DPYD: variants seen among roughly 807,000 people sequenced by gnomAD.
DPYD encodes the protein dihydropyrimidine dehydrogenase.
DPYD carries 109 observed loss-of-function variants against 116.2 expected under a neutral mutation model. That is an observed-to-expected ratio of 0.94 (90% CI 0.80 to 1.10). The LOEUF is 1.10. DPYD is among the 50% of genes least tolerant of loss of function. DPYD has a pLI of 0.00. For missense variants in DPYD, 1,302 were observed against 1,254.5 expected, an observed-to-expected ratio of 1.04 and a Z score of -0.57; for synonymous variants, 440 against 432.0, an observed-to-expected ratio of 1.02 and a Z score of -0.23.
intron 3 of DPYD, among the ~76,000 whole-genome samples, chr1:97,818,934 T>C (rs1668777319): frequency 6.6e-6 from 1 of 151,964 alleles, no homozygotes; most frequent in Admixed American, 6.6e-5. Context: ...GTACACGAAA[T>C]TAATCACATA....
chr1:97,640,063 AATCT>A (rs1380254085), intron 8 of DPYD, among the ~76,000 whole-genome samples: 8 of 152,282 alleles, frequency 5.3e-5, no homozygotes, highest in African/African-American at 9.6e-5. Context: ...GACATCAGAA[AATCT>A]ATCTGTCTAG....
chr1:97,229,587 T>TATATATATATAA lies in DPYD; in HGVS notation c.2442+5264_2442+5265insTTATATATATAT, dbSNP rs1434809487. ...ATATATATATATATATATATATATA[T>TATATATATATAA]ATACTGATTTTAATTCATACTTTAG... is the stretch of plus-strand genomic sequence containing the variant. On this transcript the variant is annotated intron_variant, in intron 19 of 22. Coordinates refer to ENST00000370192, the MANE Select transcript of DPYD (RefSeq NM_000110.4). 4.2e-4 allele frequency among the ~76,000 whole-genome samples: 27 copies of TATATATATATAA among 64,672 alleles called. 2 individuals carry two copies. Among genetic ancestry groups the TATATATATATAA allele is most frequent in the African/African-American group, 1.5e-3 (26 of 17,268 alleles). The allele number at this position is 64,672 out of a possible 152,430, so 42.4% of individuals were successfully genotyped here. A position where few individuals can be genotyped will look rare whatever the true frequency, so the allele number is the denominator to read the frequency against.
intron 18 of DPYD, among the ~76,000 whole-genome samples, chr1:97,302,045 A>C (rs1238853309): frequency 6.6e-6 from 1 of 152,002 alleles, no homozygotes; most frequent in Non-Finnish European, 1.5e-5. Flanking sequence ...AATAAGTCAA[A>C]GAATTTCTTC....
chr1:97,409,297 G>C (rs1673847789), intron 14 of DPYD, among the ~76,000 whole-genome samples: 1 of 152,086 alleles, frequency 6.6e-6, no homozygotes, highest in Non-Finnish European at 1.5e-5. Context: ...AACTATGATT[G>C]AAAGTTTAAT....
intron 8 of DPYD, among the ~76,000 whole-genome samples, chr1:97,601,799 C>T (rs139906750): frequency 0.025 from 3,785 of 151,926 alleles, 56 homozygotes; most frequent in Non-Finnish European, 0.039. Context: ...GCTGTAAATG[C>T]GTTTAGTACT....
At chr1:97,101,688 A>C (rs1557863302) in intron 20 of DPYD, among the ~76,000 whole-genome samples, 1 of 152,080 alleles carries the variant, frequency 6.6e-6, no homozygotes. Context: ...TGCCAGCAGC[A>C]GGAGCTTTTC....
intron 11 of DPYD, among the ~76,000 whole-genome samples, chr1:97,567,831 G>A (rs915330716): frequency 2.6e-5 from 4 of 151,492 alleles, no homozygotes; most frequent in Admixed American, 1.3e-4. Flanking sequence ...AAAAATATGT[G>A]CTTTTTACAT....
chr1:97,213,446 A>C (rs1049316968), intron 19 of DPYD, among the ~76,000 whole-genome samples: 2 of 152,152 alleles, frequency 1.3e-5, no homozygotes, highest in African/African-American at 4.8e-5. Context: ...TGTTCTCTTA[A>C]TGATCGCTTC....
chr1:97,605,870 T>C (rs2065943), intron 8 of DPYD, among the ~76,000 whole-genome samples: 117,120 of 151,862 alleles, frequency 0.77, 46,576 homozygotes, highest in East Asian at 0.96. Flanking sequence ...CCTTTCTTGA[T>C]ATTTTTTCTT....
intron 18 of DPYD, among the ~76,000 whole-genome samples, chr1:97,290,626 T>G (rs1213133497): frequency 6.6e-6 from 1 of 152,174 alleles, no homozygotes; most frequent in Non-Finnish European, 1.5e-5. Context: ...GAAAACTGGC[T>G]AGCCATATGT....
chr1:97,650,452 C>A (rs962570231), intron 8 of DPYD, among the ~76,000 whole-genome samples: 1 of 152,130 alleles, frequency 6.6e-6, no homozygotes, highest in African/African-American at 2.4e-5. Flanking sequence ...GATACCTAAA[C>A]CTTGCTCCAA....
At chr1:97,270,094 T>C (rs78907290) in intron 18 of DPYD, among the ~76,000 whole-genome samples, 7,284 of 152,244 alleles carry the variant, frequency 0.048, 344 homozygotes, top group East Asian at 0.12. Flanking sequence ...GTATGTTTCC[T>C]TCATGCCATT....
intron 13 of DPYD, among the ~76,000 whole-genome samples, chr1:97,477,097 G>C (rs1256042960): frequency 6.6e-6 from 1 of 152,136 alleles, no homozygotes; most frequent in Non-Finnish European, 1.5e-5. Context: ...CTGTAAACAA[G>C]ACAACAATGA....
intron 2 of DPYD, among the ~76,000 whole-genome samples, chr1:97,864,333 T>C (rs1293554447): frequency 6.6e-6 from 1 of 151,864 alleles, no homozygotes; most frequent in Non-Finnish European, 1.5e-5. Context: ...GAAAGATTCA[T>C]TTTCCAGAAG....
At chr1:97,819,993 T>A (rs1384965857) in intron 3 of DPYD, among the ~76,000 whole-genome samples, 1 of 152,032 alleles carries the variant, frequency 6.6e-6, no homozygotes, top group Non-Finnish European at 1.5e-5. Flanking sequence ...TAAAGTAGAA[T>A]AATGGCCATA....
Position 97,519,111 on chromosome 1 carries a change from T to C in DPYD, c.1525-3170A>G, listed in dbSNP as rs541031041. On this transcript the variant is annotated intron_variant, in intron 12 of 22. Coordinates refer to ENST00000370192, the MANE Select transcript of DPYD (RefSeq NM_000110.4). ...AAGTTAATTGAGATAGATTTGAAGG[T>C]AAACTAAAACAATTTTTAAAAGCCA... Among the ~76,000 whole-genome samples, 6 of 152,306 alleles carry C rather than the reference T, an allele frequency of 3.9e-5. No individual in the cohort carries two copies. The South Asian group carries it at 1.2e-3, about 32-fold the overall frequency.
At chr1:97,405,597 C>T (rs554493278) in intron 14 of DPYD, among the ~76,000 whole-genome samples, 16 of 152,148 alleles carry the variant, frequency 1.1e-4, no homozygotes, top group African/African-American at 3.9e-4. Context: ...CTCATGGCAA[C>T]CTCTGCCTCC....
At chr1:97,452,968 T>A (rs950727259) in intron 13 of DPYD, among the ~76,000 whole-genome samples, 1 of 152,134 alleles carries the variant, frequency 6.6e-6, no homozygotes. Context: ...TTACTATGCT[T>A]AGATCTTTTC....
intron 8 of DPYD, among the ~76,000 whole-genome samples, chr1:97,678,884 T>C (rs1447844304): frequency 3.3e-5 from 5 of 152,246 alleles, no homozygotes; most frequent in African/African-American, 4.8e-5. Context: ...AAGATAAACA[T>C]CTTGCCGAAA....
Sources: gnomAD v4.1 joint callset for allele counts (sites outside exome capture counted in the v4.1 genomes callset) on GRCh38, gnomAD v4.1.1 for gene constraint, MANE v1.5 for transcripts, NCBI Gene and HGNC (gene_info 2026-07-23, HGNC 2026-07-21) for gene names.